CACNB2: variants seen among roughly 807,000 people sequenced by gnomAD.
CACNB2 encodes the protein calcium voltage-gated channel auxiliary subunit beta 2.
A neutral mutation model predicts 73.3 loss-of-function variants in CACNB2; 42 were observed. That is an observed-to-expected ratio of 0.57 (90% CI 0.45 to 0.74). The LOEUF is 0.74. Ranked by LOEUF, CACNB2 falls within the 30% of genes least tolerant of loss-of-function variation. CACNB2 has a pLI of 0.00. For synonymous variants in CACNB2, 348 were observed against 310.3 expected (o/e 1.12, Z -1.28); for missense variants, 940 against 853.0 (o/e 1.10, Z -1.27).
chr10:18,183,029 G>T (rs1217657987), intron 2 of CACNB2, among the ~76,000 whole-genome samples: 1 of 151,778 alleles, frequency 6.6e-6, no homozygotes, highest in Admixed American at 6.6e-5. Flanking sequence ...AAGCAGAGGG[G>T]CATTGTGGTT....
Position 18,379,568 on chromosome 10 carries a change from C to T in CACNB2, c.214-22356C>T, listed in dbSNP as rs190809009. 7.0e-4 allele frequency among the ~76,000 whole-genome samples: 106 copies of T among 152,198 alleles called. No homozygotes were observed. In the Middle Eastern group the frequency reaches 0.024, roughly 34 times the overall value. ...CTACAGCACTAATCCATCACATTGT[C>T]GTACAACCATCACCACTACCCATTT... On this transcript the variant is annotated intron_variant, in intron 2 of 13. Transcript: ENST00000324631.
chr10:18,311,440 A>G (rs2039962744), intron 2 of CACNB2, among the ~76,000 whole-genome samples: 1 of 152,134 alleles, frequency 6.6e-6, no homozygotes, highest in Admixed American at 6.6e-5. Context: ...ACAGTTGGAA[A>G]TCCATATACA....
At chr10:18,476,392 T>C (rs2048441827) in intron 3 of CACNB2, among the ~76,000 whole-genome samples, 1 of 151,968 alleles carries the variant, frequency 6.6e-6, no homozygotes, top group Non-Finnish European at 1.5e-5. Context: ...CTACATAGAG[T>C]GAGAGCAGCC....
At chr10:18,192,740 A>G (rs569572884) in intron 2 of CACNB2, among the ~76,000 whole-genome samples, 5 of 152,320 alleles carry the variant, frequency 3.3e-5, no homozygotes, top group African/African-American at 1.2e-4. Flanking sequence ...ATTAGACAAC[A>G]TGTAACCTTT....
intron 2 of CACNB2, among the ~76,000 whole-genome samples, chr10:18,392,233 G>C (rs998610690): frequency 6.6e-6 from 1 of 151,832 alleles, no homozygotes; most frequent in East Asian, 1.9e-4. Flanking sequence ...GGAAGAGGAC[G>C]TTACTAACAA....
chr10:18,494,507 C>G (rs1034869580), intron 3 of CACNB2, among the ~76,000 whole-genome samples: 1 of 151,802 alleles, frequency 6.6e-6, no homozygotes, highest in African/African-American at 2.4e-5. Context: ...TGGCGGGCAC[C>G]TGTAGTCCCA....
chr10:18,470,398 T>A (rs2048120122), intron 3 of CACNB2, among the ~76,000 whole-genome samples: 1 of 149,484 alleles, frequency 6.7e-6, no homozygotes, highest in Non-Finnish European at 1.5e-5. Flanking sequence ...ATATACAGCA[T>A]GTGTTACATA....
At chr10:18,523,088 C>T (rs2052088897) in intron 9 of CACNB2, among the ~76,000 whole-genome samples, 1 of 151,876 alleles carries the variant, frequency 6.6e-6, no homozygotes, top group Non-Finnish European at 1.5e-5. Context: ...GGAAATAGAC[C>T]CTTTAGCTTG....
At chr10:18,266,682 A>G (rs1474122511) in intron 2 of CACNB2, among the ~76,000 whole-genome samples, 1 of 152,144 alleles carries the variant, frequency 6.6e-6, no homozygotes, top group African/African-American at 2.4e-5. Flanking sequence ...TGAGGTCAGG[A>G]GTTCAGGACC....
At chr10:18,261,644 A>C (rs1340724039) in intron 2 of CACNB2, among the ~76,000 whole-genome samples, 1 of 152,194 alleles carries the variant, frequency 6.6e-6, no homozygotes, top group Non-Finnish European at 1.5e-5. Flanking sequence ...TACCTAGAGT[A>C]GTCCTGTTTT....
chr10:18,240,472 C>T (rs1403754752), intron 2 of CACNB2, among the ~76,000 whole-genome samples: 1 of 152,160 alleles, frequency 6.6e-6, no homozygotes, highest in Non-Finnish European at 1.5e-5. Flanking sequence ...GAAAGTGGAA[C>T]GTGTAACCAG....
At chr10:18,377,851 C>G (rs1274033712) in intron 2 of CACNB2, among the ~76,000 whole-genome samples, 3 of 152,170 alleles carry the variant, frequency 2.0e-5, no homozygotes, top group Non-Finnish European at 4.4e-5. Flanking sequence ...GAAAATTAGA[C>G]TTGCCAACAC....
chr10:18,417,717 A>G (rs1243249755), intron 3 of CACNB2, among the ~76,000 whole-genome samples: 2 of 152,178 alleles, frequency 1.3e-5, no homozygotes, highest in African/African-American at 4.8e-5. Flanking sequence ...TCATGGTTAA[A>G]TGGAGATACA....
intron 2 of CACNB2, among the ~76,000 whole-genome samples, chr10:18,356,942 C>CTTT (rs71402158): frequency 5.1e-4 from 52 of 101,116 alleles, no homozygotes; most frequent in Non-Finnish European, 8.1e-4. Flanking sequence ...GACTCAATTT[C>CTTT]TTTTTTTTTT....
intron 3 of CACNB2, among the ~76,000 whole-genome samples, chr10:18,417,195 G>A (rs990618459): frequency 6.5e-4 from 21 of 32,104 alleles, no homozygotes; most frequent in African/African-American, 4.5e-3. Flanking sequence ...AAACATCTTC[G>A]TGCAATTTTT....
chr10:18,292,985 C>G (rs1177512624), intron 2 of CACNB2, among the ~76,000 whole-genome samples: 1 of 152,106 alleles, frequency 6.6e-6, no homozygotes, highest in Non-Finnish European at 1.5e-5. Flanking sequence ...ATAATTCCAT[C>G]TTTTTGGTCA....
chr10:18,472,003 C>T (rs2048210103), intron 3 of CACNB2, among the ~76,000 whole-genome samples: 1 of 152,096 alleles, frequency 6.6e-6, no homozygotes, highest in Non-Finnish European at 1.5e-5. Flanking sequence ...ACGTGTTCAA[C>T]TCCCGTATCT....
intron 2 of CACNB2, chr10:18,238,578 A>T (rs1269433069): frequency 6.6e-6 from 1 of 152,234 alleles, no homozygotes; most frequent in East Asian, 1.9e-4. Context: ...CACATTCTTA[A>T]AGGATTATTT....
At chr10:18,396,220 G>A (rs2043709034) in intron 2 of CACNB2, among the ~76,000 whole-genome samples, 1 of 152,134 alleles carries the variant, frequency 6.6e-6, no homozygotes, top group African/African-American at 2.4e-5. Flanking sequence ...GCCTCCCAAA[G>A]TGCTGGGATT....
Sources: allele counts gnomAD v4.1 joint callset (sites outside exome capture counted in the v4.1 genomes callset), GRCh38; gene constraint gnomAD v4.1.1; transcripts MANE v1.5; gene names NCBI Gene and HGNC (gene_info 2026-07-23, HGNC 2026-07-21).